NAT1: variants seen among roughly 807,000 people sequenced by gnomAD.
The protein encoded by NAT1 is arylamine N-acetyltransferase 1.
For missense variants in NAT1, 400 were observed against 339.2 expected, an observed-to-expected ratio of 1.18 and a Z score of -1.41; for synonymous variants, 144 against 122.6, an observed-to-expected ratio of 1.17 and a Z score of -1.16.
chr8:18,177,379 T>C (rs187730423), intron 2 of NAT1, among the ~76,000 whole-genome samples: 1 of 152,236 alleles, frequency 6.6e-6, no homozygotes, highest in Admixed American at 6.6e-5. Flanking sequence ...TGAGCATTAG[T>C]CAGACTTATC....
intron 2 of NAT1, among the ~76,000 whole-genome samples, chr8:18,175,640 A>G (rs940857600): frequency 6.6e-6 from 1 of 152,084 alleles, no homozygotes; most frequent in African/African-American, 2.4e-5. Context: ...TTGCTTCCAT[A>G]TCTTGGCTAT....
At chr8:18,190,744 T>C (rs1003224622) in intron 2 of NAT1, among the ~76,000 whole-genome samples, 1 of 151,978 alleles carries the variant, frequency 6.6e-6, no homozygotes, top group Admixed American at 6.6e-5. Context: ...ACTTTAAGAA[T>C]AAAAAATAAA....
chr8:18,183,405 C>A (rs76144855), intron 2 of NAT1, among the ~76,000 whole-genome samples: 3,308 of 152,272 alleles, frequency 0.022, 122 homozygotes, highest in African/African-American at 0.074. Context: ...TACATTAATT[C>A]TTTCTCAATA....
chr8:18,218,549 G>T (rs1193189489), intron 1 of NAT1, among the ~76,000 whole-genome samples: 1 of 152,132 alleles, frequency 6.6e-6, no homozygotes, highest in Non-Finnish European at 1.5e-5. Context: ...AATCAGGTGG[G>T]ATTTATCAGA....
At chr8:18,183,667 G>A (rs1246258378) in intron 2 of NAT1, among the ~76,000 whole-genome samples, 3 of 152,104 alleles carry the variant, frequency 2.0e-5, no homozygotes, top group Admixed American at 6.6e-5. Context: ...ATCCTGAGAC[G>A]AATCCCCTCC....
rs1180496716 is a variant in NAT1 at position 18,223,388 on chromosome 8, C to G, written c.*468C>G. On this transcript the variant is annotated 3_prime_UTR_variant, in exon 3 of 3. Coordinates refer to ENST00000307719, the MANE Select transcript of NAT1 (RefSeq NM_000662.8). ...ATAATTTTTCCTCGATGCTCTCTTC[C>G]TCTCATCTTTCTTGTCTCTTAAATT... is the stretch of plus-strand genomic sequence containing the variant. 1 of 167,006 alleles carries G rather than the reference C, an allele frequency of 6.0e-6. No individual in the cohort carries two copies. Among genetic ancestry groups the G allele is most frequent in the African/African-American group, 2.4e-5 (1 of 41,434 alleles). 10.3% of individuals were successfully genotyped at this position (167,006 alleles called of 1,614,324 possible).
chr8:18,196,558 G>A (rs1254151004), intron 2 of NAT1, among the ~76,000 whole-genome samples: 1 of 152,170 alleles, frequency 6.6e-6, no homozygotes, highest in Non-Finnish European at 1.5e-5. Flanking sequence ...TGAGGATGCT[G>A]TACTTATTAC....
chr8:18,207,401 T>C (rs1803770312), upstream of NAT1, among the ~76,000 whole-genome samples: 1 of 151,540 alleles, frequency 6.6e-6, no homozygotes, highest in South Asian at 2.1e-4. Context: ...TTTTTTTTTC[T>C]AATTCTTTGA....
chr8:18,193,164 G>C (rs1245196913), intron 2 of NAT1, among the ~76,000 whole-genome samples: 1 of 134,776 alleles, frequency 7.4e-6, no homozygotes, highest in African/African-American at 2.8e-5. Context: ...CTGTAGCCTT[G>C]ACCTCCTGGG....
chr8:18,174,813 A>G (rs1802225248), intron 2 of NAT1, among the ~76,000 whole-genome samples: 1 of 152,088 alleles, frequency 6.6e-6, no homozygotes, highest in Non-Finnish European at 1.5e-5. Flanking sequence ...TCTTTTACAG[A>G]AAAGGATTGG....
At chr8:18,204,508 T>C (rs997615720) in intron 2 of NAT1, among the ~76,000 whole-genome samples, 1 of 152,226 alleles carries the variant, frequency 6.6e-6, no homozygotes, top group Admixed American at 6.5e-5. Context: ...GAAACATTAC[T>C]TATTAAACAT....
chr8:18,216,870 T>C (rs1310709908), intron 1 of NAT1: 1 of 1,519,390 alleles, frequency 6.6e-7, no homozygotes, highest in South Asian at 1.2e-5. Flanking sequence ...AATTATTTCT[T>C]CAACAGACGT....
chr8:18,209,544 TA>T (rs1433274571), upstream of NAT1, among the ~76,000 whole-genome samples: 1 of 151,916 alleles, frequency 6.6e-6, no homozygotes, highest in Non-Finnish European at 1.5e-5. Flanking sequence ...TGAATGTAAA[TA>T]AAAAACACCA....
intron 2 of NAT1, among the ~76,000 whole-genome samples, chr8:18,197,778 C>T (rs1009551839): frequency 9.2e-5 from 14 of 152,044 alleles, no homozygotes; most frequent in African/African-American, 3.1e-4. Flanking sequence ...CATGGTAATC[C>T]CATTTCCTGT....
Position 18,181,404 on chromosome 8 carries a change from T to G in NAT1, n.92+10665T>G, listed in dbSNP as rs1166032609. Among the ~76,000 whole-genome samples, 4 of 152,266 alleles carry G rather than the reference T, an allele frequency of 2.6e-5. No homozygotes were observed. The East Asian group carries it at 5.8e-4, about 22-fold the overall frequency. On this transcript the variant is annotated intron_variant and non_coding_transcript_variant, in intron 2 of 4. Coordinates refer to the NAT1 transcript ENST00000517441. ...GAAAAAAAATAGAGATGCTATGGAT[T>G]TTTAAATGTTGATTTTGCATCTTGC...
intron 2 of NAT1, among the ~76,000 whole-genome samples, chr8:18,186,808 A>G (rs903615872): frequency 1.3e-5 from 2 of 152,206 alleles, no homozygotes; most frequent in African/African-American, 4.8e-5. Context: ...GGAACTAATT[A>G]ATCTAAAGAG....
At chr8:18,178,203 T>C (rs1802367809) in intron 2 of NAT1, among the ~76,000 whole-genome samples, 1 of 143,154 alleles carries the variant, frequency 7.0e-6, no homozygotes, top group Non-Finnish European at 1.5e-5. Context: ...TGTATGTTTC[T>C]AGGAACCTCT....
At chr8:18,200,326 A>AT (rs894282199) in intron 2 of NAT1, among the ~76,000 whole-genome samples, 91 of 152,098 alleles carry the variant, frequency 6.0e-4, no homozygotes, top group African/African-American at 2.1e-3. Context: ...ATTAAAAAAA[A>AT]ATATACAAAA....
At chr8:18,175,195 A>G (rs1402972226) in intron 2 of NAT1, among the ~76,000 whole-genome samples, 1 of 151,984 alleles carries the variant, frequency 6.6e-6, no homozygotes, top group African/African-American at 2.4e-5. Context: ...CTATCACCTT[A>G]TTGCTTTTTT....
Sources: gnomAD v4.1 joint callset for allele counts (sites outside exome capture counted in the v4.1 genomes callset) on GRCh38, gnomAD v4.1.1 for gene constraint, MANE v1.5 for transcripts, NCBI Gene and HGNC (gene_info 2026-07-23, HGNC 2026-07-21) for gene names.